The following NCKAP5 variants were observed in gnomAD, a reference collection of about 807,000 sequenced individuals.
NCKAP5 encodes the protein NCK associated protein 5.
Under a neutral mutation model 167.0 loss-of-function variants are expected in NCKAP5, and 92 were observed. That is an observed-to-expected ratio of 0.55 (90% CI 0.47 to 0.66). NCKAP5 has a LOEUF of 0.66. NCKAP5 is among the 30% of genes least tolerant of loss of function. The pLI is 0.00. For synonymous variants in NCKAP5, 891 were observed against 877.4 expected (o/e 1.02, Z -0.27); for missense variants, 2,378 against 2,315.0 (o/e 1.03, Z -0.56).
At chr2:132,951,669 G>A (rs2076192439) in intron 8 of NCKAP5, among the ~76,000 whole-genome samples, 1 of 152,168 alleles carries the variant, frequency 6.6e-6, no homozygotes, top group Non-Finnish European at 1.5e-5. Flanking sequence ...GGGTGATCGT[G>A]TTCCTGACTC....
chr2:132,739,002 C>T (rs573432920), intron 16 of NCKAP5, among the ~76,000 whole-genome samples: 9 of 152,294 alleles, frequency 5.9e-5, no homozygotes, highest in African/African-American at 2.2e-4. Flanking sequence ...AATATCCAAA[C>T]TATATAAACT....
chr2:133,460,138 A>G (rs1380626386), intron 3 of NCKAP5, among the ~76,000 whole-genome samples: 3 of 152,078 alleles, frequency 2.0e-5, no homozygotes, highest in African/African-American at 7.2e-5. Flanking sequence ...CTCTAACTAC[A>G]TTTTCCTCTT....
At chr2:133,385,258 G>C (rs59068238) in intron 3 of NCKAP5, among the ~76,000 whole-genome samples, 3,241 of 152,200 alleles carry the variant, frequency 0.021, 96 homozygotes, top group African/African-American at 0.07. Flanking sequence ...TAGCATGAAG[G>C]GTTGTTGAAT....
intron 6 of NCKAP5, among the ~76,000 whole-genome samples, chr2:133,090,311 T>C (rs1460898200): frequency 6.6e-6 from 1 of 151,690 alleles, no homozygotes; most frequent in Non-Finnish European, 1.5e-5. Flanking sequence ...GATATCTGGG[T>C]AAGCTCTAAA....
intron 4 of NCKAP5, among the ~76,000 whole-genome samples, chr2:133,219,483 G>T (rs1307538456): frequency 6.6e-6 from 1 of 152,172 alleles, no homozygotes; most frequent in Non-Finnish European, 1.5e-5. Context: ...CAGTTCAGGG[G>T]CCTCCCATGG....
intron 11 of NCKAP5, among the ~76,000 whole-genome samples, chr2:132,835,605 G>C (rs1350620838): frequency 1.3e-5 from 2 of 151,108 alleles, no homozygotes; most frequent in Non-Finnish European, 2.9e-5. Flanking sequence ...TTCTTTGTTG[G>C]GGAGGTGTGT....
At chr2:133,268,035 T>C (rs1226970321) in intron 4 of NCKAP5, among the ~76,000 whole-genome samples, 1 of 152,240 alleles carries the variant, frequency 6.6e-6, no homozygotes, top group African/African-American at 2.4e-5. Context: ...AGTATTTGTT[T>C]GGGAAATAAT....
chr2:133,211,040 A>C (rs2086193304), intron 5 of NCKAP5, among the ~76,000 whole-genome samples: 1 of 119,088 alleles, frequency 8.4e-6, no homozygotes, highest in Non-Finnish European at 1.6e-5. Context: ...TTTACTCTTC[A>C]CCTTCTCCCC....
intron 5 of NCKAP5, among the ~76,000 whole-genome samples, chr2:133,181,212 G>A (rs2084716747): frequency 6.6e-6 from 1 of 151,920 alleles, no homozygotes; most frequent in Non-Finnish European, 1.5e-5. Context: ...CAGGTAAAAG[G>A]GACAAAGATT....
At chr2:133,058,653 A>G (rs1158864475) in intron 6 of NCKAP5, among the ~76,000 whole-genome samples, 1 of 152,214 alleles carries the variant, frequency 6.6e-6, no homozygotes, top group Non-Finnish European at 1.5e-5. Flanking sequence ...AAAAGAAAGT[A>G]GCTTCTTGGG....
chr2:132,878,613 TACACACACACACACACACACAC>T (rs10544477), intron 9 of NCKAP5, among the ~76,000 whole-genome samples: 1 of 131,892 alleles, frequency 7.6e-6, no homozygotes, highest in Non-Finnish European at 1.6e-5. Flanking sequence ...GGGGGGCAGA[TACACACACACACACACACACAC>T]ACACACACAC....
chr2:132,861,610 C>T (rs1380817576), intron 10 of NCKAP5, among the ~76,000 whole-genome samples: 2 of 152,148 alleles, frequency 1.3e-5, no homozygotes, highest in South Asian at 4.1e-4. Context: ...CCTTCCACTG[C>T]CACTTTTCCT....
Position 132,783,332 on chromosome 2 carries a change from A to G in NCKAP5, c.3479T>C (p.Leu1160Pro). The G allele has an allele frequency of 6.2e-7, 1 of 1,613,686 alleles. No homozygotes were observed. Among genetic ancestry groups the G allele is most frequent in the Non-Finnish European group, 8.5e-7 (1 of 1,179,826 alleles). ...LKVLMKSPQLLRKSSTVPGKH... is the reference protein window; with the variant it reads ...LKVLMKSPQLPRKSSTVPGKH... ...CCCTGGCACGGTGGAACTTTTCCTG[A>G]GCAGCTGGGGAGACTTCATGAGCAC... Residue 1160 changes from leucine to proline, a missense_variant, in exon 14 of 20, where the codon CTC becomes CCC. Physicochemically the swap from Leu to Pro is moderately conservative, Grantham distance 98. Transcript: ENST00000409261.
At chr2:133,085,822 C>A (rs1414224627) in intron 6 of NCKAP5, among the ~76,000 whole-genome samples, 2 of 152,052 alleles carry the variant, frequency 1.3e-5, no homozygotes, top group African/African-American at 2.4e-5. Context: ...AATACACAGA[C>A]CACAGTGAAA....
At chr2:132,781,023 A>C in intron 15 of NCKAP5, 29 bp downstream of exon 15, 1 of 1,605,980 alleles carries the variant, frequency 6.2e-7, no homozygotes. Context: ...AGATTGTAGC[A>C]CTTGATACCA....
intron 2 of NCKAP5, among the ~76,000 whole-genome samples, chr2:133,525,102 A>T (rs879797588): frequency 2.6e-5 from 4 of 152,224 alleles, no homozygotes; most frequent in African/African-American, 9.7e-5. Context: ...AACCATAAAA[A>T]TTTTTTAAAA....
rs1680491337 is a variant in NCKAP5, at chr2:133,302,827, A to G, written c.143+210T>C. ...AATAAATAAATAAATAAATAAATAA[A>G]TCTTGAAGCAAGCAAGGATCAAATA... On this transcript the variant is annotated intron_variant, in intron 4 of 19. Coordinates refer to ENST00000409261, the MANE Select transcript of NCKAP5 (RefSeq NM_207363.3). 2.6e-5 allele frequency among the ~76,000 whole-genome samples: 4 copies of G among 151,414 alleles called. No homozygotes were observed. The East Asian group carries it at 5.9e-4, about 22-fold the overall frequency.
chr2:133,210,352 G>T (rs532327027), intron 5 of NCKAP5, among the ~76,000 whole-genome samples: 4 of 151,878 alleles, frequency 2.6e-5, no homozygotes, highest in African/African-American at 9.6e-5. Flanking sequence ...GTTTGTTGAT[G>T]ACTTTAAAAA....
chr2:133,603,964 C>T, the NCKAP5 span, among the ~76,000 whole-genome samples: 88 of 152,294 alleles, frequency 5.8e-4, 1 homozygote, highest in East Asian at 8.3e-3. Flanking sequence ...TCTCAGGGGC[C>T]GGGAAACACT....
Sources: gnomAD v4.1 joint callset for allele counts (sites outside exome capture counted in the v4.1 genomes callset) on GRCh38, gnomAD v4.1.1 for gene constraint, MANE v1.5 for transcripts, NCBI Gene and HGNC (gene_info 2026-07-23, HGNC 2026-07-21) for gene names.